The following DNAH14 variants were observed in gnomAD, a reference collection of about 807,000 sequenced individuals.
The protein encoded by DNAH14 is axonemal beta dynein heavy chain 14.
DNAH14 carries 478 observed loss-of-function variants against 520.9 expected under a neutral mutation model. The observed-to-expected ratio is 0.92, with a 90% confidence interval of 0.85 to 0.99. DNAH14 has a LOEUF of 0.99. Among genes scored for constraint, DNAH14 ranks in the 50% least tolerant of loss-of-function variants. DNAH14 has a pLI of 0.00. For synonymous variants in DNAH14, 1,581 were observed against 1,757.2 expected (o/e 0.90, Z 2.51); for missense variants, 4,831 against 5,234.5 (o/e 0.92, Z 2.38).
chr1:225,351,751 T>C lies in DNAH14; in HGVS notation c.11401T>C (p.Cys3801Arg), dbSNP rs1185798944. ...TCACCTGGAACCATTTTCACTTCTG[T>C]GCAAATCCCTTTTATCAAACGTATC... ...STHLEPFSLL[C>R]KSLLSNVSQW... is the part of the protein sequence containing the mutation. Residue 3801 changes from cysteine (C) to arginine (R), a missense_variant, in exon 72 of 86, where the codon TGC becomes CGC. Cys to Arg is a radical substitution (Grantham distance 180). Transcript: ENST00000682510. 1 of 1,551,400 alleles carries C rather than the reference T, an allele frequency of 6.4e-7. No homozygotes were observed. The highest frequency in any genetic ancestry group is 2.0e-5 in the Admixed American group (1 of 50,988).
chr1:225,084,255 C>A (rs2073478995), intron 20 of DNAH14, among the ~76,000 whole-genome samples: 1 of 152,044 alleles, frequency 6.6e-6, no homozygotes, highest in Admixed American at 6.6e-5. Flanking sequence ...AGGCAATCAG[C>A]TGGTAATTTC....
intron 17 of DNAH14, among the ~76,000 whole-genome samples, chr1:225,059,418 G>T (rs1224400493): frequency 6.6e-6 from 1 of 152,074 alleles, no homozygotes; most frequent in Non-Finnish European, 1.5e-5. Context: ...GCCTATGTGT[G>T]TCTCTGCACA....
At chr1:225,149,797 TG>T (rs2080309352) in intron 31 of DNAH14, among the ~76,000 whole-genome samples, 1 of 151,860 alleles carries the variant, frequency 6.6e-6, no homozygotes, top group African/African-American at 2.4e-5. Context: ...AAGAAGCTTT[TG>T]GGCCATGATG....
intron 17 of DNAH14, among the ~76,000 whole-genome samples, chr1:225,078,412 C>G (rs79159885): frequency 0.042 from 6,345 of 152,206 alleles, 222 homozygotes; most frequent in Non-Finnish European, 0.061. Context: ...CATAATTTGC[C>G]ATTTGTATTA....
Position 225,219,587 on chromosome 1 carries a change from G to A in DNAH14, c.6440-11486G>A, listed in dbSNP as rs138766624. Among the ~76,000 whole-genome samples the A allele has an allele frequency of 4.1e-4, 63 of 151,934 alleles. No homozygotes were observed. In the East Asian group the frequency reaches 9.8e-3, roughly 24 times the overall value. On this transcript the variant is annotated intron_variant, in intron 41 of 85. Transcript: ENST00000682510. The stretch of plus-strand genomic sequence containing the variant: ...AATGGATAAATTCCTGGAGACATAC[G>A]CTCTTCCAAGACTAAACCAGGAAGA...
intron 61 of DNAH14, among the ~76,000 whole-genome samples, chr1:225,322,228 T>C (rs1312135747): frequency 6.6e-6 from 1 of 151,340 alleles, no homozygotes; most frequent in Non-Finnish European, 1.5e-5. Flanking sequence ...TAGCTGGGAC[T>C]ACAGGCACCC....
intron 10 of DNAH14, among the ~76,000 whole-genome samples, chr1:225,023,048 T>C (rs1225037611): frequency 6.6e-6 from 1 of 152,004 alleles, no homozygotes; most frequent in Non-Finnish European, 1.5e-5. Context: ...TAGTTACACA[T>C]GGGCAGGAAG....
intron 55 of DNAH14, 48 bp downstream of exon 55, chr1:225,290,130 G>A: frequency 7.9e-7 from 1 of 1,259,006 alleles, no homozygotes. Flanking sequence ...ATATCTATGT[G>A]GCTACCCCCT....
chr1:225,045,721 G>T (rs752926277), intron 15 of DNAH14, among the ~76,000 whole-genome samples: 2 of 152,056 alleles, frequency 1.3e-5, no homozygotes, highest in Non-Finnish European at 2.9e-5. Context: ...AGTAGTACAT[G>T]ACATTGATAT....
chr1:225,351,381 ACT>A (rs1027125168), intron 71 of DNAH14, among the ~76,000 whole-genome samples: 1 of 152,112 alleles, frequency 6.6e-6, no homozygotes, highest in African/African-American at 2.4e-5. Context: ...ACAGAATGAG[ACT>A]CTGTCTCAAA....
intron 34 of DNAH14, among the ~76,000 whole-genome samples, chr1:225,158,781 G>T (rs556351992): frequency 1.3e-4 from 20 of 152,278 alleles, no homozygotes; most frequent in African/African-American, 4.3e-4. Flanking sequence ...AGTGGCAGTA[G>T]CTATAGCCAT....
chr1:225,344,955 C>T (rs144941886), intron 69 of DNAH14, among the ~76,000 whole-genome samples: 271 of 152,098 alleles, frequency 1.8e-3, no homozygotes, highest in Non-Finnish European at 2.6e-3. Flanking sequence ...CCTCATGATC[C>T]GCCTGCCTGG....
chr1:225,259,843 T>C (rs1309495517), intron 46 of DNAH14, among the ~76,000 whole-genome samples: 1 of 152,190 alleles, frequency 6.6e-6, no homozygotes, highest in Non-Finnish European at 1.5e-5. Context: ...CTTATTTCAC[T>C]AGCATAATGT....
At chr1:225,220,820 A>G (rs1159860713) in intron 41 of DNAH14, among the ~76,000 whole-genome samples, 1 of 152,224 alleles carries the variant, frequency 6.6e-6, no homozygotes, top group Non-Finnish European at 1.5e-5. Flanking sequence ...TTTCACATGA[A>G]ACCAAAAATG....
chr1:225,144,334 C>A, intron 28 of DNAH14, 63 bp from the exon 29 acceptor site: 1 of 1,186,546 alleles, frequency 8.4e-7, no homozygotes, highest in Non-Finnish European at 1.2e-6. Flanking sequence ...TCTTTTTCTG[C>A]ATGTGAAAAT....
chr1:224,929,904 C>G, intron 1 of DNAH14, 69 bp downstream of exon 1: 1 of 603,692 alleles, frequency 1.7e-6, no homozygotes, highest in Non-Finnish European at 2.9e-6. Context: ...CGTGGGGCAG[C>G]CGGTGTCGCA....
At chr1:225,062,551 A>G (rs1220459585) in intron 17 of DNAH14, among the ~76,000 whole-genome samples, 4 of 15,968 alleles carry the variant, frequency 2.5e-4, no homozygotes, top group African/African-American at 3.1e-4. Context: ...AGCTATGAAG[A>G]AAAAAAAAGC....
intron 69 of DNAH14, among the ~76,000 whole-genome samples, chr1:225,341,037 G>T (rs1291041913): frequency 6.6e-6 from 1 of 152,184 alleles, no homozygotes; most frequent in Non-Finnish European, 1.5e-5. Context: ...TCTCAAGTTA[G>T]ATTACAGAGA....
At position 224,965,502 on chromosome 1, in the gene DNAH14, A is replaced by C. The variant is rs144229164; in HGVS notation, c.498+893A>C. ...CTCAACTCTGTCACTGTAGTACCAA[A>C]GCATTGATAGATAATACATATATAA... On this transcript the variant is annotated intron_variant, in intron 5 of 85. Coordinates refer to ENST00000682510, the MANE Select transcript of DNAH14 (RefSeq NM_001367479.1). Among the ~76,000 whole-genome samples, 280 of 152,196 alleles carry C rather than the reference A, an allele frequency of 1.8e-3. 1 individual carries two copies. Among genetic ancestry groups the C allele is most frequent in the African/African-American group, 6.2e-3 (259 of 41,554 alleles).
Sources: gnomAD v4.1 joint callset for allele counts (sites outside exome capture counted in the v4.1 genomes callset) on GRCh38, gnomAD v4.1.1 for gene constraint, MANE v1.5 for transcripts, NCBI Gene and HGNC (gene_info 2026-07-23, HGNC 2026-07-21) for gene names.